The following UGT1A10 variants were observed in gnomAD, a reference collection of about 807,000 sequenced individuals.
UGT1A10 encodes the protein UDP glucuronosyltransferase family 1 member A10.
In UGT1A10, 49 loss-of-function variants were observed where a neutral mutation model predicts 45.8. The observed-to-expected ratio is 1.07, with a 90% CI of 0.85 to 1.36. The LOEUF (loss-of-function observed/expected upper bound fraction) is 1.36, where lower values mean the gene tolerates loss of function less well. UGT1A10 is among the 40% of genes most tolerant of loss of function. The pLI is 0.00. For synonymous variants in UGT1A10, 284 were observed against 249.7 expected (o/e 1.14, Z -1.29); for missense variants, 745 against 668.6 (o/e 1.11, Z -1.26).
chr2:233,755,491 T>C (rs112011393), intron 1 of UGT1A10: 20 of 202,890 alleles, frequency 9.9e-5, no homozygotes, highest in Non-Finnish European at 1.9e-4. Flanking sequence ...GGCCCTGTGA[T>C]GCTCCAAGAC....
At chr2:233,757,567 T>TATATATATATATATATATATATA (rs1553619947) in intron 1 of UGT1A10, among the ~76,000 whole-genome samples, 8 of 142,914 alleles carry the variant, frequency 5.6e-5, no homozygotes, top group Non-Finnish European at 1.1e-4. Context: ...TATATGTATA[T>TATATATATATATATATATATATA]ATGATATAGC....
chr2:233,668,960 G>A (rs1028231009), intron 1 of UGT1A10, among the ~76,000 whole-genome samples: 14 of 152,184 alleles, frequency 9.2e-5, no homozygotes, highest in African/African-American at 3.1e-4. Flanking sequence ...GAGGTATTCT[G>A]TAGAATGTTC....
At position 233,646,291 on chromosome 2, in the gene UGT1A10, T is replaced by C. The variant is rs185863156; in HGVS notation, c.855+8914T>C. On this transcript the variant is annotated intron_variant, in intron 1 of 4. Transcript: ENST00000344644. ...CCAGGCCTGTGATGGGAGGGACTGC[T>C]GTGAAGACCTCTGACATGCCCTGGA... 3.3e-5 allele frequency among the ~76,000 whole-genome samples: 5 copies of C among 152,364 alleles called. No homozygotes were observed. The East Asian group carries it at 5.8e-4, about 18-fold the overall frequency.
intron 1 of UGT1A10, chr2:233,748,073 A>G (rs1311035028): frequency 6.2e-7 from 1 of 1,613,214 alleles, no homozygotes; most frequent in Non-Finnish European, 8.5e-7. Context: ...GGAAGCCACT[A>G]TCTCAGGTCG....
chr2:233,707,313 A>C (rs1246275498), intron 1 of UGT1A10, among the ~76,000 whole-genome samples: 1 of 152,146 alleles, frequency 6.6e-6, no homozygotes, highest in African/African-American at 2.4e-5. Flanking sequence ...TTTGTTACAT[A>C]GCTAAACATG....
intron 1 of UGT1A10, among the ~76,000 whole-genome samples, chr2:233,641,863 AG>A: frequency 6.6e-6 from 1 of 152,290 alleles, no homozygotes; most frequent in South Asian, 2.1e-4. Flanking sequence ...TCCACTGAAA[AG>A]GCTGCTGCCA....
intron 1 of UGT1A10, chr2:233,713,863 G>A: frequency 6.2e-7 from 1 of 1,613,884 alleles, no homozygotes; most frequent in Non-Finnish European, 8.5e-7. Context: ...TCTCAGGTCT[G>A]TATTGGTGCC....
At chr2:233,653,189 A>C (rs2073781135) in intron 1 of UGT1A10, among the ~76,000 whole-genome samples, 2 of 152,240 alleles carry the variant, frequency 1.3e-5, no homozygotes. Flanking sequence ...AATAACTTTA[A>C]AAATTATTTA....
chr2:233,651,299 C>T (rs1393646861), intron 1 of UGT1A10, among the ~76,000 whole-genome samples: 4 of 152,016 alleles, frequency 2.6e-5, no homozygotes, highest in African/African-American at 7.3e-5. Flanking sequence ...ACAGGGTCAC[C>T]CAGAGGGCTT....
intron 1 of UGT1A10, among the ~76,000 whole-genome samples, chr2:233,766,129 A>G (rs1046451620): frequency 6.6e-6 from 1 of 152,192 alleles, no homozygotes; most frequent in Non-Finnish European, 1.5e-5. Context: ...GGTGTACCAG[A>G]AGAATCGAAT....
intron 1 of UGT1A10, chr2:233,690,452 A>G: frequency 3.9e-6 from 5 of 1,287,814 alleles, no homozygotes; most frequent in Non-Finnish European, 5.1e-6. Flanking sequence ...TCTATTCAAA[A>G]TGCCAGCTAT....
intron 1 of UGT1A10, chr2:233,729,074 T>C: frequency 1.2e-6 from 2 of 1,611,804 alleles, no homozygotes; most frequent in Non-Finnish European, 1.7e-6. Flanking sequence ...AGAAAGCAAA[T>C]GTAGCAGGCA....
intron 1 of UGT1A10, among the ~76,000 whole-genome samples, chr2:233,740,045 T>C (rs374549434): frequency 3.3e-5 from 5 of 151,842 alleles, no homozygotes; most frequent in African/African-American, 1.2e-4. Context: ...AGGGACTCTT[T>C]CTCCTTTACT....
In UGT1A10 at chr2:233,700,131, GCTGTTTGTCTCC is replaced by G. The variant is rs1446119494; in HGVS notation, c.855+62757_855+62768del. On this transcript the variant is annotated intron_variant, in intron 1 of 4. Coordinates refer to ENST00000344644, the MANE Select transcript of UGT1A10 (RefSeq NM_019075.4). ...CAAGGATCCTGTGCCCACCCTCTGA[GCTGTTTGTCTCC>G]CTATAGGGGTCTTTACAAGGAATGC... 7.9e-5 allele frequency among the ~76,000 whole-genome samples: 12 copies of G among 152,312 alleles called. No individual in the cohort carries two copies. In the East Asian group the frequency reaches 2.3e-3, roughly 29 times the overall value.
intron 1 of UGT1A10, chr2:233,689,871 C>T (rs758683937): frequency 3.1e-5 from 14 of 456,438 alleles, no homozygotes; most frequent in Non-Finnish European, 5.7e-5. Context: ...TACCTTCTTG[C>T]TTATCAAGTG....
intron 1 of UGT1A10, chr2:233,729,601 G>C: frequency 3.1e-6 from 5 of 1,614,032 alleles, no homozygotes; most frequent in Non-Finnish European, 4.2e-6. Context: ...CCTCTGCGCG[G>C]CAGTGCTGGC....
intron 1 of UGT1A10, among the ~76,000 whole-genome samples, chr2:233,684,159 C>G (rs1009384642): frequency 6.6e-6 from 1 of 152,158 alleles, no homozygotes; most frequent in African/African-American, 2.4e-5. Context: ...GTCACATTCT[C>G]TCTCATATTG....
intron 1 of UGT1A10, among the ~76,000 whole-genome samples, chr2:233,759,869 A>G (rs1186818099): frequency 6.6e-6 from 1 of 152,190 alleles, no homozygotes; most frequent in African/African-American, 2.4e-5. Flanking sequence ...AAGCGGGGGT[A>G]CAGTTGTGTT....
chr2:233,681,530 CAAA>C (rs747693860), intron 1 of UGT1A10, among the ~76,000 whole-genome samples: 871 of 77,674 alleles, frequency 0.011, 5 homozygotes, highest in African/African-American at 0.039. Context: ...GACTCCATCT[CAAA>C]AAAAAAAAAA....
Sources: allele counts gnomAD v4.1 joint callset (sites outside exome capture counted in the v4.1 genomes callset), GRCh38; gene constraint gnomAD v4.1.1; transcripts MANE v1.5; gene names NCBI Gene and HGNC (gene_info 2026-07-23, HGNC 2026-07-21).